TRHDE: variants seen among roughly 807,000 people sequenced by gnomAD.
TRHDE encodes the protein thyrotropin releasing hormone degrading enzyme, also known as thyrotropin-releasing hormone-degrading ectoenzyme.
In TRHDE, 72 loss-of-function variants were observed where a neutral mutation model predicts 125.7. That is an observed-to-expected ratio of 0.57 (90% CI 0.47 to 0.70). TRHDE has a LOEUF of 0.70. Ranked by LOEUF, TRHDE falls within the 30% of genes least tolerant of loss-of-function variation. The pLI is 0.00. For missense variants in TRHDE, 1,110 were observed against 1,327.1 expected (o/e 0.84, Z 2.54); for synonymous variants, 509 against 509.1 (o/e 1.00, Z 0.00).
intron 3 of TRHDE, among the ~76,000 whole-genome samples, chr12:72,383,516 A>G (rs1872278845): frequency 6.6e-6 from 1 of 151,208 alleles, no homozygotes; most frequent in Non-Finnish European, 1.5e-5. Context: ...AGCTGGGACT[A>G]TAGGCATGTG....
At chr12:72,517,185 T>G (rs1225051705) in intron 6 of TRHDE, among the ~76,000 whole-genome samples, 1 of 151,514 alleles carries the variant, frequency 6.6e-6, no homozygotes, top group African/African-American at 2.4e-5. Context: ...GATTCCCTCT[T>G]TTTCTATTGA....
intron 3 of TRHDE, among the ~76,000 whole-genome samples, chr12:72,387,502 A>G (rs1264282928): frequency 1.3e-5 from 2 of 152,094 alleles, no homozygotes; most frequent in African/African-American, 2.4e-5. Flanking sequence ...ATAAAATTTG[A>G]AGTTAAAGAG....
chr12:72,637,684 A>T (rs1873827100), intron 15 of TRHDE, among the ~76,000 whole-genome samples: 1 of 152,154 alleles, frequency 6.6e-6, no homozygotes, highest in African/African-American at 2.4e-5. Context: ...AATGCGTCCC[A>T]GAGATTCTGG....
chr12:72,574,072 G>A (rs1156325077), intron 10 of TRHDE, among the ~76,000 whole-genome samples: 2 of 152,038 alleles, frequency 1.3e-5, no homozygotes, highest in Non-Finnish European at 2.9e-5. Flanking sequence ...TTCCAGACCT[G>A]AGAAATGAAT....
At chr12:72,449,297 T>G (rs1304714197) in intron 3 of TRHDE, among the ~76,000 whole-genome samples, 1 of 152,054 alleles carries the variant, frequency 6.6e-6, no homozygotes, top group African/African-American at 2.4e-5. Context: ...AGTCTTGCCT[T>G]TTATACTACA....
At chr12:72,242,200 C>T (rs1440724383) in intron 2 of TRHDE, among the ~76,000 whole-genome samples, 1 of 152,172 alleles carries the variant, frequency 6.6e-6, no homozygotes, top group Non-Finnish European at 1.5e-5. Context: ...GACATCTTTG[C>T]ATAATCTTGG....
intron 17 of TRHDE, among the ~76,000 whole-genome samples, chr12:72,656,672 T>TA (rs1239831967): frequency 2.6e-5 from 4 of 152,026 alleles, no homozygotes; most frequent in African/African-American, 7.2e-5. Flanking sequence ...AGGGCCCCTT[T>TA]AAAAAATTTG....
At chr12:72,322,631 T>A (rs1189344449) in intron 2 of TRHDE, among the ~76,000 whole-genome samples, 1 of 152,150 alleles carries the variant, frequency 6.6e-6, no homozygotes, top group African/African-American at 2.4e-5. Context: ...TATTTGCTAA[T>A]TCAGTGTTTG....
At chr12:72,580,559 A>G (rs1386788618) in intron 12 of TRHDE, among the ~76,000 whole-genome samples, 2 of 152,200 alleles carry the variant, frequency 1.3e-5, no homozygotes, top group Non-Finnish European at 2.9e-5. Flanking sequence ...CCCCTGCCTC[A>G]GCCTCCTGAG....
intron 2 of TRHDE, among the ~76,000 whole-genome samples, chr12:72,369,906 CT>C (rs1464042178): frequency 6.6e-6 from 1 of 151,984 alleles, no homozygotes; most frequent in Non-Finnish European, 1.5e-5. Context: ...TATTTTATTG[CT>C]TTTGAGTAAT....
intron 2 of TRHDE, among the ~76,000 whole-genome samples, chr12:72,258,462 C>A (rs1878868480): frequency 6.6e-6 from 1 of 152,010 alleles, no homozygotes; most frequent in African/African-American, 2.4e-5. Context: ...ATTAATGTCC[C>A]TTTCTTGGCT....
intron 4 of TRHDE, 110 bp from the exon 5 acceptor site, chr12:72,472,957 G>T: frequency 2.3e-6 from 2 of 851,672 alleles, no homozygotes. Flanking sequence ...AAATCAACTG[G>T]GGAATGAATT....
At position 72,397,852 on chromosome 12, in the gene TRHDE, C is replaced by T. The variant is rs528891263; in HGVS notation, c.1315+19731C>T. On this transcript the variant is annotated intron_variant, in intron 3 of 18. Coordinates refer to ENST00000261180, the MANE Select transcript of TRHDE (RefSeq NM_013381.3). ...AATTTATTTATTTATTATTATCATA[C>T]TTTAAGTTTTAGGGTACATGTGCAC... 3.1e-4 allele frequency among the ~76,000 whole-genome samples: 47 copies of T among 151,816 alleles called. No homozygotes were observed. The East Asian group carries it at 8.5e-3, about 28-fold the overall frequency.
At chr12:72,509,287 C>A (rs1395505842) in intron 6 of TRHDE, among the ~76,000 whole-genome samples, 1 of 151,764 alleles carries the variant, frequency 6.6e-6, no homozygotes, top group South Asian at 2.1e-4. Context: ...CCCGCACACA[C>A]AAAATGATAA....
At chr12:72,526,890 A>G (rs1056019581) in intron 6 of TRHDE, among the ~76,000 whole-genome samples, 3 of 152,176 alleles carry the variant, frequency 2.0e-5, no homozygotes, top group African/African-American at 7.2e-5. Context: ...GGGAAAATCA[A>G]TAAAAGGGAA....
intron 10 of TRHDE, among the ~76,000 whole-genome samples, chr12:72,574,670 A>G (rs886311336): frequency 2.6e-5 from 4 of 152,114 alleles, no homozygotes; most frequent in Non-Finnish European, 5.9e-5. Flanking sequence ...AATAAGCAGA[A>G]TTTATTATCT....
At chr12:72,629,558 T>A (rs1873392931) in intron 15 of TRHDE, among the ~76,000 whole-genome samples, 1 of 151,738 alleles carries the variant, frequency 6.6e-6, no homozygotes, top group Non-Finnish European at 1.5e-5. Context: ...GAATATAGAT[T>A]CACATGGGCA....
intron 15 of TRHDE, among the ~76,000 whole-genome samples, chr12:72,645,198 C>CATAAAGAAGATCACTGAAGT: frequency 6.6e-6 from 1 of 152,016 alleles, no homozygotes; most frequent in Non-Finnish European, 1.5e-5. Flanking sequence ...AAAAAACTAT[C>CATAAAGAAGATCACTGAAGT]ATAAAGAAGA....
chr12:72,636,435 C>A (rs1344213055), intron 15 of TRHDE, among the ~76,000 whole-genome samples: 1 of 151,562 alleles, frequency 6.6e-6, no homozygotes, highest in Non-Finnish European at 1.5e-5. Flanking sequence ...GATATACAAT[C>A]ATGTTGTCTG....
Sources: gnomAD v4.1 joint callset for allele counts (sites outside exome capture counted in the v4.1 genomes callset) on GRCh38, gnomAD v4.1.1 for gene constraint, MANE v1.5 for transcripts, NCBI Gene and HGNC (gene_info 2026-07-23, HGNC 2026-07-21) for gene names.